The following EIF4EBP2 variants were observed in gnomAD, a reference collection of about 807,000 sequenced individuals.
The protein encoded by EIF4EBP2 is eukaryotic translation initiation factor 4E binding protein 2.
A neutral mutation model predicts 10.3 loss-of-function variants in EIF4EBP2; 5 were observed. The ratio of observed to expected loss-of-function variants is 0.48; its 90% CI spans 0.25 to 1.02. The LOEUF (loss-of-function observed/expected upper bound fraction) is 1.02. Ranked by LOEUF, EIF4EBP2 falls within the 50% of genes least tolerant of loss-of-function variation. EIF4EBP2 has a pLI of 0.15. For synonymous variants in EIF4EBP2, 67 were observed against 61.1 expected (o/e 1.10, Z -0.45); for missense variants, 188 against 162.2 (o/e 1.16, Z -0.86).
chr10:70,419,982 C>T lies in EIF4EBP2; in HGVS notation c.214C>T (p.Pro72Ser). The change falls in exon 2 of 3, where the codon CCC becomes TCC. Residue 72 changes from proline (P) to serine (S), a missense_variant. Pro to Ser is a moderately conservative substitution (Grantham distance 74). Transcript: ENST00000373218. ...RRNSPMAQTP[P>S]CHLPNIPGVT... ...CAATTCTCCCATGGCTCAGACCCCA[C>T]CCTGCCACCTGCCCAATATCCCAGG... 1 of 1,613,178 alleles carries T rather than the reference C, an allele frequency of 6.2e-7. No individual in the cohort carries two copies. The highest frequency in any genetic ancestry group is 8.5e-7 in the Non-Finnish European group (1 of 1,179,692).
chr10:70,417,454 TATTGA>T (rs140439126), intron 1 of EIF4EBP2, among the ~76,000 whole-genome samples: 2,005 of 150,910 alleles, frequency 0.013, 38 homozygotes, highest in African/African-American at 0.047. Context: ...CAACTAAAAC[TATTGA>T]ATTATACACT....
chr10:70,411,032 G>T (rs1845038759), intron 1 of EIF4EBP2, among the ~76,000 whole-genome samples: 2 of 152,020 alleles, frequency 1.3e-5, no homozygotes, highest in Non-Finnish European at 2.9e-5. Flanking sequence ...TCCTTATAAT[G>T]GTTTTTTAAT....
intron 1 of EIF4EBP2, among the ~76,000 whole-genome samples, chr10:70,412,496 C>T (rs959515338): frequency 1.3e-5 from 2 of 152,192 alleles, no homozygotes; most frequent in Non-Finnish European, 2.9e-5. Flanking sequence ...TTTCAGCTTA[C>T]ATAATTTCTT....
chr10:70,413,182 C>T (rs1845061723), intron 1 of EIF4EBP2, among the ~76,000 whole-genome samples: 1 of 152,144 alleles, frequency 6.6e-6, no homozygotes, highest in Non-Finnish European at 1.5e-5. Context: ...ATTGTATTAT[C>T]ATTTTTGGCT....
In EIF4EBP2 at chr10:70,418,618, G is replaced by C. The variant is rs4747029; in HGVS notation, c.146-1296G>C. ...CATTTTCTGTTGAAGGCCATAAAGGGATTTAAATCTGTATTAGAAGTATTT... is the reference window on the plus strand; with the variant it reads ...CATTTTCTGTTGAAGGCCATAAAGGCATTTAAATCTGTATTAGAAGTATTT... On this transcript the variant is annotated intron_variant, in intron 1 of 2. Coordinates refer to ENST00000373218, the MANE Select transcript of EIF4EBP2 (RefSeq NM_004096.5). Among the ~76,000 whole-genome samples, 422 of 152,260 alleles carry C rather than the reference G, an allele frequency of 2.8e-3. 12 individuals carry two copies. The East Asian group carries it at 0.059, about 21-fold the overall frequency.
intron 1 of EIF4EBP2, among the ~76,000 whole-genome samples, chr10:70,409,541 A>T (rs558023679): frequency 3.9e-5 from 6 of 152,188 alleles, no homozygotes; most frequent in African/African-American, 1.4e-4. Flanking sequence ...GAGTCCCTCA[A>T]ATTTAGTATC....
rs1845219083 is a variant in EIF4EBP2, at chr10:70,427,817, A to G, written c.*6070A>G. On this transcript the variant is annotated 3_prime_UTR_variant, in exon 3 of 3. Coordinates refer to ENST00000373218, the MANE Select transcript of EIF4EBP2 (RefSeq NM_004096.5). ...GGCAGAGATGCTGCAATGCTTGATA[A>G]TCATTTGGCCACACTGAAATTTCCA... 6.6e-6 allele frequency: 1 copy of G among 152,192 alleles called. No homozygotes were observed. 9.4% of individuals were successfully genotyped at this position (152,192 alleles called of 1,614,324 possible).
At chr10:70,408,786 G>A (rs1335660262) in intron 1 of EIF4EBP2, among the ~76,000 whole-genome samples, 1 of 152,236 alleles carries the variant, frequency 6.6e-6, no homozygotes, top group Non-Finnish European at 1.5e-5. Context: ...TTCTTGATTT[G>A]GGGGTAGGGG....
At chr10:70,421,457 C>T (rs965532417) in intron 2 of EIF4EBP2, among the ~76,000 whole-genome samples, 1 of 152,206 alleles carries the variant, frequency 6.6e-6, no homozygotes, top group African/African-American at 2.4e-5. Context: ...GCTGTTTAGT[C>T]ATCCTGAAGA....
In EIF4EBP2 at chr10:70,423,791, G is replaced by C. The variant is rs1845181646; in HGVS notation, c.*2044G>C. 1.3e-5 allele frequency: 2 copies of C among 152,564 alleles called. No homozygotes were observed. Among genetic ancestry groups the C allele is most frequent in the Non-Finnish European group, 2.9e-5 (2 of 68,024 alleles). 9.5% of individuals were successfully genotyped at this position (152,564 alleles called of 1,614,324 possible). ...ATGGTTGATGTCTCAGGAATAAGCTGGATCTCCAATGTTTTGGGGATGCTT... is the reference window on the plus strand; with the variant it reads ...ATGGTTGATGTCTCAGGAATAAGCTCGATCTCCAATGTTTTGGGGATGCTT... On this transcript the variant is annotated 3_prime_UTR_variant, in exon 3 of 3. Coordinates refer to ENST00000373218, the MANE Select transcript of EIF4EBP2 (RefSeq NM_004096.5).
At chr10:70,410,132 C>G (rs12245060) in intron 1 of EIF4EBP2, among the ~76,000 whole-genome samples, 34,804 of 151,864 alleles carry the variant, frequency 0.23, 4,294 homozygotes, top group Non-Finnish European at 0.27. Context: ...TGCAATGGCG[C>G]CATCTTGGCT....
chr10:70,404,352 G>A lies in EIF4EBP2; in HGVS notation c.-50G>A, dbSNP rs901830276. 2.9e-6 allele frequency: 4 copies of A among 1,371,944 alleles called. No homozygotes were observed. Among genetic ancestry groups the A allele is most frequent in the Admixed American group, 5.8e-5 (2 of 34,772 alleles). 85.0% of individuals were successfully genotyped at this position (1,371,944 alleles called of 1,614,324 possible). A position where few individuals can be genotyped will look rare whatever the true frequency, so the allele number is the denominator to read the frequency against. ...GAGGAGCCGAAGCAGCCCCGGCCCC[G>A]CCGCCGCCGCCTGCCCGCCGGACAA... On this transcript the variant is annotated 5_prime_UTR_variant, in exon 1 of 3. Coordinates refer to ENST00000373218, the MANE Select transcript of EIF4EBP2 (RefSeq NM_004096.5).
chr10:70,427,966 T>C lies in EIF4EBP2; in HGVS notation c.*6219T>C, dbSNP rs1845221034. ...CTTTCTCTCCAGCTTAATCTTTTTTTTTTTTTTTTTTTTAAAGCCCAGGCC... is the reference window on the plus strand; with the variant it reads ...CTTTCTCTCCAGCTTAATCTTTTTTCTTTTTTTTTTTTTAAAGCCCAGGCC... On this transcript the variant is annotated 3_prime_UTR_variant, in exon 3 of 3. Coordinates refer to ENST00000373218, the MANE Select transcript of EIF4EBP2 (RefSeq NM_004096.5). 1.3e-5 allele frequency: 2 copies of C among 151,804 alleles called. No homozygotes were observed. Among genetic ancestry groups the C allele is most frequent in the African/African-American group, 4.8e-5 (2 of 41,330 alleles). 9.4% of individuals were successfully genotyped at this position (151,804 alleles called of 1,614,324 possible).
At chr10:70,411,017 T>G (rs1024296333) in intron 1 of EIF4EBP2, among the ~76,000 whole-genome samples, 1 of 152,242 alleles carries the variant, frequency 6.6e-6, no homozygotes, top group African/African-American at 2.4e-5. Context: ...ATCTTTTTTC[T>G]TAGTTCCTTA....
At chr10:70,417,162 A>G (rs541968743) in intron 1 of EIF4EBP2, among the ~76,000 whole-genome samples, 1 of 152,364 alleles carries the variant, frequency 6.6e-6, no homozygotes, top group South Asian at 2.1e-4. Flanking sequence ...ATATTTGGTA[A>G]TGAAAAAGAA....
At chr10:70,415,778 A>C (rs942933927) in intron 1 of EIF4EBP2, among the ~76,000 whole-genome samples, 1 of 152,214 alleles carries the variant, frequency 6.6e-6, no homozygotes, top group African/African-American at 2.4e-5. Flanking sequence ...AGCAAAAGCT[A>C]TTAATGTACA....
rs998031289 is a variant in EIF4EBP2 at position 70,404,171 on chromosome 10, C to T, written c.-231C>T. 6.6e-6 allele frequency among the ~76,000 whole-genome samples: 1 copy of T among 152,248 alleles called. No individual in the cohort carries two copies. The highest frequency in any genetic ancestry group is 1.5e-5 in the Non-Finnish European group (1 of 68,032). ...CTTCCGGTCGTCGTCGTCGCCGCTG[C>T]TGCCGCTGCTGTTGCTCCTGAGGCT... is the stretch of plus-strand genomic sequence containing the variant. On this transcript the variant is annotated 5_prime_UTR_variant, in exon 1 of 3. Transcript: ENST00000373218.
rs1845179612 is a variant in EIF4EBP2, at chr10:70,423,588, TC to T, written c.*1844del. On this transcript the variant is annotated 3_prime_UTR_variant, in exon 3 of 3. Coordinates refer to ENST00000373218, the MANE Select transcript of EIF4EBP2 (RefSeq NM_004096.5). ...TGAACTTTTTTATTAAGAAATCAGATCCCAGGGTGAGAGTAACAGGCCATTT... is the reference window on the plus strand; with the variant it reads ...TGAACTTTTTTATTAAGAAATCAGATCCAGGGTGAGAGTAACAGGCCATTT... The T allele has an allele frequency of 6.6e-6, 1 of 152,296 alleles. No homozygotes were observed. The highest frequency in any genetic ancestry group is 2.1e-4 in the South Asian group (1 of 4,834). The allele number at this position is 152,296 out of a possible 1,614,324, so 9.4% of individuals were successfully genotyped here. A position where few individuals can be genotyped will look rare whatever the true frequency, so the allele number is the denominator to read the frequency against.
At chr10:70,415,892 A>G (rs1045044966) in intron 1 of EIF4EBP2, among the ~76,000 whole-genome samples, 1 of 152,124 alleles carries the variant, frequency 6.6e-6, no homozygotes, top group Non-Finnish European at 1.5e-5. Flanking sequence ...AAAAACATAC[A>G]TTGGACATCA....
Sources: allele counts gnomAD v4.1 joint callset (sites outside exome capture counted in the v4.1 genomes callset), GRCh38; gene constraint gnomAD v4.1.1; transcripts MANE v1.5; gene names NCBI Gene and HGNC (gene_info 2026-07-23, HGNC 2026-07-21).